EVL: variants seen among roughly 807,000 people sequenced by gnomAD.
EVL encodes Enah/Vasp-like.
EVL carries 21 observed loss-of-function variants against 59.6 expected under a neutral mutation model. The observed-to-expected ratio is 0.35, with a 90% CI of 0.25 to 0.51. The LOEUF (loss-of-function observed/expected upper bound fraction) is 0.51, where lower values mean the gene tolerates loss of function less well. Among genes scored for constraint, EVL ranks in the 20% least tolerant of loss-of-function variants. The pLI is 0.97. For missense variants in EVL, 462 were observed against 546.6 expected (o/e 0.85, Z 1.54); for synonymous variants, 198 against 203.5 (o/e 0.97, Z 0.23).
intron 1 of EVL, among the ~76,000 whole-genome samples, chr14:100,047,633 T>C (rs2061575250): frequency 6.6e-6 from 1 of 152,196 alleles, no homozygotes; most frequent in Admixed American, 6.5e-5. Flanking sequence ...TATATTGTAA[T>C]ATCAAAAACT....
chr14:100,023,409 C>T (rs113104749), intron 1 of EVL, among the ~76,000 whole-genome samples: 4,951 of 119,328 alleles, frequency 0.041, 328 homozygotes, highest in African/African-American at 0.15. Context: ...GATGGAGTTT[C>T]GCTCTTGTCT....
intron 3 of EVL, 48 bp downstream of exon 3, chr14:100,097,706 T>C: frequency 6.5e-7 from 1 of 1,536,978 alleles, no homozygotes; most frequent in Non-Finnish European, 8.8e-7. Context: ...TCTCTTGTTC[T>C]ACCTCTGCCC....
intron 13 of EVL, 143 bp downstream of exon 13, chr14:100,141,936 C>T (rs1465959187): frequency 1.6e-6 from 1 of 632,564 alleles, no homozygotes; most frequent in Non-Finnish European, 2.5e-6. Flanking sequence ...CTTACCATCT[C>T]TAGTTGAGGA....
At chr14:100,141,568 C>T (rs1423287642) in intron 12 of EVL, among the ~76,000 whole-genome samples, 168 bp from the exon 13 acceptor site, 2 of 152,236 alleles carry the variant, frequency 1.3e-5, no homozygotes, top group Non-Finnish European at 2.9e-5. Flanking sequence ...CCAGGCCTCC[C>T]ATGCCGTCCC....
At chr14:100,040,680 C>A (rs1340800039) in intron 1 of EVL, among the ~76,000 whole-genome samples, 1 of 152,186 alleles carries the variant, frequency 6.6e-6, no homozygotes, top group East Asian at 1.9e-4. Context: ...GGTTTTGCCT[C>A]AGTATGTCTC....
At chr14:100,095,838 G>A (rs8009749) in intron 2 of EVL, among the ~76,000 whole-genome samples, 16,236 of 152,050 alleles carry the variant, frequency 0.11, 1,575 homozygotes, top group African/African-American at 0.25. Context: ...AGCGATTCTC[G>A]TGCCTCAGCC....
At chr14:100,038,474 C>T (rs1010924504) in intron 1 of EVL, among the ~76,000 whole-genome samples, 7 of 152,286 alleles carry the variant, frequency 4.6e-5, no homozygotes, top group Non-Finnish European at 7.3e-5. Flanking sequence ...TTGAAGCCCA[C>T]GTGGTCTGGA....
chr14:100,008,808 T>C (rs1425140021), intron 1 of EVL, among the ~76,000 whole-genome samples: 1 of 152,208 alleles, frequency 6.6e-6, no homozygotes, highest in Non-Finnish European at 1.5e-5. Flanking sequence ...CATGGTTGTA[T>C]GTTGGGTGTT....
intron 2 of EVL, among the ~76,000 whole-genome samples, chr14:100,094,467 C>T (rs1335070914): frequency 6.6e-6 from 1 of 152,192 alleles, no homozygotes; most frequent in Non-Finnish European, 1.5e-5. Context: ...CTAGGCCAGG[C>T]CCAGTGGCTC....
At chr14:99,989,890 A>T (rs774589282) in intron 1 of EVL, among the ~76,000 whole-genome samples, 9 of 152,234 alleles carry the variant, frequency 5.9e-5, no homozygotes, top group Admixed American at 3.3e-4. Context: ...TCCGTGGATT[A>T]TGAGGCAATT....
chr14:100,106,584 TGCAGTACATGTAAG>T, intron 3 of EVL: 2 of 343,144 alleles, frequency 5.8e-6, no homozygotes, highest in Non-Finnish European at 1.0e-5. Context: ...CTCTCTCCTT[TGCAGTACATGTAAG>T]GCATTATATC....
intron 1 of EVL, among the ~76,000 whole-genome samples, chr14:99,979,209 T>G (rs1458751540): frequency 6.6e-6 from 1 of 151,982 alleles, no homozygotes; most frequent in South Asian, 2.1e-4. Context: ...TACAGAAACT[T>G]ACTAAATCTT....
chr14:100,078,181 A>T (rs1314091394), intron 1 of EVL, among the ~76,000 whole-genome samples: 3 of 152,246 alleles, frequency 2.0e-5, no homozygotes. Flanking sequence ...ATTTAAGAAC[A>T]TGGTAAATGC....
chr14:100,005,666 CA>C lies in EVL; in HGVS notation c.5+33610del, dbSNP rs1244911662. On this transcript the variant is annotated intron_variant, in intron 1 of 13. Coordinates refer to the EVL transcript ENST00000402714. ...ACACACACACACACACACACACACA[CA>C]CACCCCTTGGATGTTACCTTTTAAT... is the stretch of plus-strand genomic sequence containing the variant. Among the ~76,000 whole-genome samples the C allele has an allele frequency of 1.1e-3, 160 of 151,980 alleles. No homozygotes were observed. In the East Asian group the frequency reaches 0.013, roughly 13 times the overall value.
chr14:100,099,179 C>CAAAAAA (rs57154685), intron 3 of EVL, among the ~76,000 whole-genome samples: 77 of 50,332 alleles, frequency 1.5e-3, no homozygotes, highest in East Asian at 1.8e-3. Flanking sequence ...CCTGTCTCTA[C>CAAAAAA]AAAAAAAAAA....
chr14:99,994,004 T>C (rs2060894169), intron 1 of EVL, among the ~76,000 whole-genome samples: 1 of 151,956 alleles, frequency 6.6e-6, no homozygotes, highest in Admixed American at 6.6e-5. Flanking sequence ...CAGATTTTTT[T>C]ATTTCTTCAG....
intron 9 of EVL, 197 bp from the exon 10 acceptor site, chr14:100,137,381 C>A: frequency 1.6e-6 from 1 of 606,142 alleles, no homozygotes; most frequent in Non-Finnish European, 2.9e-6. Context: ...GATCACAGGT[C>A]AGGGTCAACC....
chr14:100,065,620 C>A (rs932547984), intron 1 of EVL, 109 bp downstream of exon 1: 6 of 558,794 alleles, frequency 1.1e-5, no homozygotes, highest in South Asian at 5.5e-5. Flanking sequence ...GTATACTGAT[C>A]GAGAAGTCCA....
rs780082762 is a variant in EVL at position 100,128,603 on chromosome 14, C to A, written c.572C>A (p.Pro191Gln). Residue 191 changes from proline (P) to glutamine (Q), a missense_variant, in exon 6 of 14, where the codon CCA becomes CAA. Pro to Gln is a moderately conservative substitution (Grantham distance 76). Coordinates refer to ENST00000392920, the MANE Select transcript of EVL (RefSeq NM_016337.3). The part of the protein sequence containing the change: ...CSGPPPPPPP[P>Q]VPPPPTGATP... ...GGGCCTCCACCGCCCCCCCCACCCCCAGTCCCACCTCCACCCACTGGGGCT... is the reference window on the plus strand; with the variant it reads ...GGGCCTCCACCGCCCCCCCCACCCCAAGTCCCACCTCCACCCACTGGGGCT... The A allele has an allele frequency of 2.1e-6, 3 of 1,407,502 alleles. No individual in the cohort carries two copies. Among genetic ancestry groups the A allele is most frequent in the Non-Finnish European group, 2.9e-6 (3 of 1,033,266 alleles). The allele number at this position is 1,407,502 out of a possible 1,614,324, so 87.2% of individuals were successfully genotyped here.
Sources: gnomAD v4.1 joint callset for allele counts (sites outside exome capture counted in the v4.1 genomes callset) on GRCh38, gnomAD v4.1.1 for gene constraint, MANE v1.5 for transcripts, NCBI Gene and HGNC (gene_info 2026-07-23, HGNC 2026-07-21) for gene names.